The following KMT2D variants were observed in gnomAD, a reference collection of about 807,000 sequenced individuals.
KMT2D encodes the protein lysine methyltransferase 2D.
In KMT2D, 55 loss-of-function variants were observed where a neutral mutation model predicts 512.7. The observed-to-expected ratio is 0.11, with a 90% CI of 0.09 to 0.13. The LOEUF (loss-of-function observed/expected upper bound fraction) is 0.13. KMT2D is among the 10% of genes least tolerant of loss of function. The pLI is 1.00. For synonymous variants in KMT2D, 2,995 were observed against 2,904.0 expected (o/e 1.03, Z -1.01); for missense variants, 6,061 against 7,127.9 (o/e 0.85, Z 5.39).
rs1422052758 is a variant in KMT2D at position 49,042,884 on chromosome 12, G to C, written c.5645-6C>G. 1 of 1,613,694 alleles carries C rather than the reference G, an allele frequency of 6.2e-7. No individual in the cohort carries two copies. The highest frequency in any genetic ancestry group is 1.1e-5 in the South Asian group (1 of 91,070). ...GGATTCCATCTTGGGCAGTTCTGTG[G>C]GGGAATGAAGGACACTGTTGAGGAA... On this transcript the variant is annotated splice_region_variant and splice_polypyrimidine_tract_variant and intron_variant, in intron 26 of 54. Transcript: ENST00000301067. This position sits in a 1 kb window ranked among gnomAD's most constrained non-coding sequence, Gnocchi z 4.4.
At position 49,022,995 on chromosome 12, in the gene KMT2D, A is replaced by G. The variant is rs1438051197; in HGVS notation, c.16053-120T>C. ...CCAGTTAGGGGCGTGTGCTGCTGGC[A>G]AGCACTGGAAGTGCAGCCTTGGGAA... is the stretch of plus-strand genomic sequence containing the variant. On this transcript the variant is annotated intron_variant, in intron 51 of 54. Coordinates refer to ENST00000301067, the MANE Select transcript of KMT2D (RefSeq NM_003482.4). The surrounding 1 kb of genome is among the most constrained non-coding windows in gnomAD (Gnocchi z 8.6). 1.0e-5 allele frequency: 11 copies of G among 1,079,490 alleles called. No individual in the cohort carries two copies. The highest frequency in any genetic ancestry group is 1.6e-5 in the African/African-American group (1 of 62,672). 66.9% of individuals were successfully genotyped at this position (1,079,490 alleles called of 1,614,324 possible). A position where few individuals can be genotyped will look rare whatever the true frequency, so the allele number is the denominator to read the frequency against.
chr12:49,051,969 G>A lies in KMT2D; in HGVS notation c.1714C>T (p.Leu572=), dbSNP rs2120679504. The change falls in exon 11 of 55, where the codon CTG becomes TTG. Residue 572 remains leucine (L), a synonymous_variant. Transcript: ENST00000301067. The stretch of plus-strand genomic sequence containing the variant: ...GGTGACTCCTCAGGTGGTGGAGACA[G>A]GCGAGATGCTTCAGGTGGCGGGGAA... The part of the protein sequence containing the change: ...PTSPPPEASR[L]SPPPEESPMS... 2.5e-6 allele frequency: 4 copies of A among 1,613,334 alleles called. No individual in the cohort carries two copies. The highest frequency in any genetic ancestry group is 3.4e-6 in the Non-Finnish European group (4 of 1,179,664).
Position 49,051,060 on chromosome 12 carries a change from G to A in KMT2D, c.2623C>T (p.Pro875Ser), listed in dbSNP as rs2120662468. 1.3e-6 allele frequency: 2 copies of A among 1,531,698 alleles called. No homozygotes were observed. Among genetic ancestry groups the A allele is most frequent in the Non-Finnish European group, 1.8e-6 (2 of 1,142,174 alleles). The allele number at this position is 1,531,698 out of a possible 1,614,324, so 94.9% of individuals were successfully genotyped here. A position where few individuals can be genotyped will look rare whatever the true frequency, so the allele number is the denominator to read the frequency against. Residue 875 changes from proline to serine, a missense_variant, in exon 11 of 55, where the codon CCT becomes TCT. Transcript: ENST00000301067. ...EKPPEEPGQCPAPEELPLFPP... is the reference protein window; with the variant it reads ...EKPPEEPGQCSAPEELPLFPP... ...AACAAGGGCAGCTCCTCAGGTGCAG[G>A]GCATTGGCCTGGCTCCTCAGGGGGC...
rs2120611262 is a variant in KMT2D, at chr12:49,046,690, T to C, written c.4337A>G (p.Asp1446Gly). 1 of 1,613,858 alleles carries C rather than the reference T, an allele frequency of 6.2e-7. No individual in the cohort carries two copies. Among genetic ancestry groups the C allele is most frequent in the Non-Finnish European group, 8.5e-7 (1 of 1,179,848 alleles). The part of the protein sequence containing the change: ...ASDPSRLLLC[D>G]DCDISYHTYC... Reference sequence around the variant, plus strand: ...TGTGTGGTAGCTAATATCACAGTCATCACAGAGCAGCAGGCGTGAGGGGTC... The same window carrying C: ...TGTGTGGTAGCTAATATCACAGTCACCACAGAGCAGCAGGCGTGAGGGGTC... Residue 1446 changes from aspartate (D) to glycine (G), a missense_variant, in exon 16 of 55, where the codon GAT (aspartate) becomes GGT (glycine). Physicochemically the swap from Asp to Gly is moderately conservative, Grantham distance 94. Transcript: ENST00000301067. This position sits in a 1 kb window ranked among gnomAD's most constrained non-coding sequence, Gnocchi z 4.2.
rs2120711762 is a variant in KMT2D, at chr12:49,054,635, G to A, written c.293C>T (p.Ser98Phe). 2 of 1,612,950 alleles carry A rather than the reference G, an allele frequency of 1.2e-6. No individual in the cohort carries two copies. Among genetic ancestry groups the A allele is most frequent in the Non-Finnish European group, 1.7e-6 (2 of 1,179,430 alleles). ...ATTGGGCCCTGGGCTCCCCCCAGGG[G>A]ACACCACTGGACACCGGGGCCAATC... ...PFDWPRCPVV[S>F]PGGSPGPNEA... The change falls in exon 4 of 55, where the codon TCC becomes TTC. Residue 98 changes from serine (S) to phenylalanine (F), a missense_variant. Coordinates refer to ENST00000301067, the MANE Select transcript of KMT2D (RefSeq NM_003482.4). This position sits in a 1 kb window ranked among gnomAD's most constrained non-coding sequence, Gnocchi z 6.4.
chr12:49,030,800 C>A (rs1191520669), intron 41 of KMT2D, 32 bp from the exon 42 acceptor site: 1 of 1,613,046 alleles, frequency 6.2e-7, no homozygotes, highest in South Asian at 1.1e-5. Flanking sequence ...AGTTCAAAAC[C>A]TGCAGCGTTT....
rs1293989026 is a variant in KMT2D at position 49,044,793 on chromosome 12, A to G, written c.4914T>C (p.Asp1638=). 9.9e-6 allele frequency: 16 copies of G among 1,613,766 alleles called. No individual in the cohort carries two copies. Among genetic ancestry groups the G allele is most frequent in the African/African-American group, 1.3e-5 (1 of 74,874 alleles). The change falls in exon 20 of 55, where the codon GAT becomes GAC. Residue 1638 remains aspartate (D), a synonymous_variant. Coordinates refer to ENST00000301067, the MANE Select transcript of KMT2D (RefSeq NM_003482.4). This position sits in a 1 kb window ranked among gnomAD's most constrained non-coding sequence, Gnocchi z 6.4. ...GSEPSDALGP[D]DKKDGDLDTD... is the part of the protein sequence containing the mutation. ...TGTCCAGGTCCCCATCCTTCTTGTC[A>G]TCAGGGCCAAGGGCATCTGAGGGCT...
rs1398630977 is a variant in KMT2D at position 49,060,246 on chromosome 12, G to A, written c.-671C>T. On this transcript the variant is annotated 5_prime_UTR_variant, in exon 1 of 55. Transcript: ENST00000301067. ...CCGAGCGCTCACCCTCGGCGGCTTC[G>A]AGCCCCCCACCTTCTGCTCCCCCCG... is the stretch of plus-strand genomic sequence containing the variant. 6.6e-6 allele frequency among the ~76,000 whole-genome samples: 1 copy of A among 152,014 alleles called. No individual in the cohort carries two copies. The highest frequency in any genetic ancestry group is 6.5e-5 in the Admixed American group (1 of 15,280).
chr12:49,040,536 G>A lies in KMT2D; in HGVS notation c.7234C>T (p.Pro2412Ser). 1.2e-6 allele frequency: 2 copies of A among 1,605,954 alleles called. No individual in the cohort carries two copies. Among genetic ancestry groups the A allele is most frequent in the Non-Finnish European group, 1.7e-6 (2 of 1,174,444 alleles). ...SLPSDPFSRVPASPQSQSSSQ... is the reference protein window; with the variant it reads ...SLPSDPFSRVSASPQSQSSSQ... ...CTGGACTGGGACTGAGGACTGGCAGGCACTCGGGAGAAAGGGTCGGAGGGC... is the reference window on the plus strand; with the variant it reads ...CTGGACTGGGACTGAGGACTGGCAGACACTCGGGAGAAAGGGTCGGAGGGC... The change falls in exon 32 of 55, where the codon CCT (proline) becomes TCT (serine). Residue 2412 changes from proline (P) to serine (S), a missense_variant. Physicochemically the swap from Pro to Ser is moderately conservative, Grantham distance 74 (BLOSUM62 -1). Transcript: ENST00000301067.
Position 49,040,959 on chromosome 12 carries a change from G to A in KMT2D, c.6811C>T (p.Pro2271Ser), listed in dbSNP as rs199802471. 6.4e-4 allele frequency: 1,038 copies of A among 1,611,170 alleles called. 1 individual carries two copies. Among genetic ancestry groups the A allele is most frequent in the Non-Finnish European group, 7.6e-4 (900 of 1,178,374 alleles). Reference sequence around the variant, plus strand: ...CCAAAAGGTGGGGGCGAGAGCAGGGGCTCGGAAGCTTTGCCTCCCCCTACC... The same window carrying A: ...CCAAAAGGTGGGGGCGAGAGCAGGGACTCGGAAGCTTTGCCTCCCCCTACC... ...PGVGGGKASE[P>S]LLSPPPFGES... Residue 2271 changes from proline (P) to serine (S), a missense_variant, in exon 32 of 55, where the codon CCC becomes TCC. Physicochemically the swap from Pro to Ser is moderately conservative, Grantham distance 74. Around this residue, in one of 16 missense-constraint regions of KMT2D, gnomAD observed 710 missense variants for 647.3 expected, o/e 1.10. Coordinates refer to ENST00000301067, the MANE Select transcript of KMT2D (RefSeq NM_003482.4).
chr12:49,042,315 G>T lies in KMT2D; in HGVS notation c.5883C>A (p.Phe1961Leu), dbSNP rs534782967. ...PFLDSRERGG[F>L]FSPEPGEPDS... ...CGGGCTCACCGGGTTCCGGGCTAAA[G>T]AAGCCCCCGCGCTCCCTGGGGCGCA... Residue 1961 changes from phenylalanine (F) to leucine (L), a missense_variant, in exon 29 of 55, where the codon TTC becomes TTA. This residue lies in a region of KMT2D where 640 missense variants were observed against 814.3 expected (regional missense o/e 0.79). Transcript: ENST00000301067. This position sits in a 1 kb window ranked among gnomAD's most constrained non-coding sequence, Gnocchi z 4.4. The T allele has an allele frequency of 6.5e-7, 1 of 1,546,452 alleles. No homozygotes were observed. The highest frequency in any genetic ancestry group is 8.7e-7 in the Non-Finnish European group (1 of 1,144,624).
At chr12:49,036,987 C>T in intron 35 of KMT2D, 138 bp downstream of exon 35, 2 of 1,091,848 alleles carry the variant, frequency 1.8e-6, no homozygotes, top group South Asian at 3.7e-5. Flanking sequence ...TCTGCCTCTA[C>T]CACTAGTATG....
chr12:49,051,961 T>C lies in KMT2D; in HGVS notation c.1722A>G (p.Pro574=). The C allele has an allele frequency of 6.2e-7, 1 of 1,609,572 alleles. No individual in the cohort carries two copies. The highest frequency in any genetic ancestry group is 8.5e-7 in the Non-Finnish European group (1 of 1,178,454). The change falls in exon 11 of 55, where the codon CCA becomes CCG. Residue 574 remains proline, a synonymous_variant. Coordinates refer to ENST00000301067, the MANE Select transcript of KMT2D (RefSeq NM_003482.4). ...SPPPEASRLS[P]PPEESPMSPP... ...GGGACATGGGTGACTCCTCAGGTGG[T>C]GGAGACAGGCGAGATGCTTCAGGTG...
intron 10 of KMT2D, 24 bp from the exon 11 acceptor site, chr12:49,052,448 T>C (rs1171936789): frequency 6.5e-7 from 1 of 1,542,864 alleles, no homozygotes; most frequent in Non-Finnish European, 8.8e-7. Context: ...AACACGATGC[T>C]CCTATCTAGC....
In KMT2D at chr12:49,022,919, C is replaced by G. The variant is rs2137708141; in HGVS notation, c.16053-44G>C. The G allele has an allele frequency of 6.6e-7, 1 of 1,518,886 alleles. No individual in the cohort carries two copies. Among genetic ancestry groups the G allele is most frequent in the Non-Finnish European group, 8.9e-7 (1 of 1,127,792 alleles). 94.1% of individuals were successfully genotyped at this position (1,518,886 alleles called of 1,614,324 possible). On this transcript the variant is annotated intron_variant, in intron 51 of 54. Transcript: ENST00000301067. This position sits in a 1 kb window ranked among gnomAD's most constrained non-coding sequence, Gnocchi z 8.6. Reference sequence around the variant, plus strand: ...CATGACAAGACAGCTCTCCCTCAGACCAAGTACATACCACCCACCTCCTCT... The same window carrying G: ...CATGACAAGACAGCTCTCCCTCAGAGCAAGTACATACCACCCACCTCCTCT...
chr12:49,051,206 G>T lies in KMT2D; in HGVS notation c.2477C>A (p.Pro826His), dbSNP rs542972001. ...GGACAGGTGTGATTCCTCAGGTTGG[G>T]GGGACAAGCATGGCTCCTCAGGCAC... The part of the protein sequence containing the change: ...SPVPEEPCLS[P>H]QPEESHLSPQ... The change falls in exon 11 of 55, where the codon CCC (proline) becomes CAC (histidine). Residue 826 changes from proline (P) to histidine (H), a missense_variant. Pro to His is a moderately conservative substitution (Grantham distance 77). Transcript: ENST00000301067. 123 of 1,515,516 alleles carry T rather than the reference G, an allele frequency of 8.1e-5. 2 individuals carry two copies. In the South Asian group the frequency reaches 1.5e-3, roughly 19 times the overall value. 93.9% of individuals were successfully genotyped at this position (1,515,516 alleles called of 1,614,324 possible).
At chr12:49,027,742 C>T in intron 48 of KMT2D, 61 bp downstream of exon 48, 1 of 1,547,802 alleles carries the variant, frequency 6.5e-7, no homozygotes, top group Non-Finnish European at 8.7e-7. Context: ...ATGTGAGCCA[C>T]CGCGCCTGGC....
rs528442644 is a variant in KMT2D at position 49,043,802 on chromosome 12, A to G, written c.5320-20T>C. ...GGCTTCCTGTGGGGCAGTCAAGGAGAAACAGTTTTCTTCATGCCCTGCAGG... is the reference window on the plus strand; with the variant it reads ...GGCTTCCTGTGGGGCAGTCAAGGAGGAACAGTTTTCTTCATGCCCTGCAGG... On this transcript the variant is annotated intron_variant, in intron 23 of 54. Coordinates refer to ENST00000301067, the MANE Select transcript of KMT2D (RefSeq NM_003482.4). The G allele has an allele frequency of 3.1e-6, 5 of 1,612,718 alleles. No individual in the cohort carries two copies. In the East Asian group the frequency reaches 6.7e-5, roughly 22 times the overall value.
In KMT2D at chr12:49,031,747, G is replaced by A. The variant is rs1261991508; in HGVS notation, c.12958C>T (p.Pro4320Ser). The change falls in exon 40 of 55, where the codon CCT becomes TCT. Residue 4320 changes from proline to serine, a missense_variant. This residue lies in a region of KMT2D where 1,600 missense variants were observed against 1,754.9 expected (regional missense o/e 0.91). Coordinates refer to ENST00000301067, the MANE Select transcript of KMT2D (RefSeq NM_003482.4). ...GAGCTGGGGGAAGGTAATTGTGAAG[G>A]TCTCTTTGGCTCTTGAGGGCTGGAT... Reference protein sequence around the residue: ...PPSSPQEPKRPSQLPSPSSQL... With the variant: ...PPSSPQEPKRSSQLPSPSSQL... The A allele has an allele frequency of 5.0e-6, 8 of 1,613,116 alleles. No individual in the cohort carries two copies. The highest frequency in any genetic ancestry group is 6.8e-6 in the Non-Finnish European group (8 of 1,179,552).
Sources: gnomAD v4.1 joint callset for allele counts (sites outside exome capture counted in the v4.1 genomes callset) on GRCh38, gnomAD v4.1.1 for gene constraint, gnomAD v4.1.1 regional missense constraint, Gnocchi (gnomAD v3.1) non-coding constraint, MANE v1.5 for transcripts, NCBI Gene and HGNC (gene_info 2026-07-23, HGNC 2026-07-21) for gene names.